Variants in PCDHA6 observed in about 807,000 individuals in gnomAD.
The protein encoded by PCDHA6 is protocadherin alpha 6, also known as protocadherin alpha-6.
In PCDHA6, 55 loss-of-function variants were observed where a neutral mutation model predicts 60.3. That is an observed-to-expected ratio of 0.91 (90% CI 0.73 to 1.14). The LOEUF (loss-of-function observed/expected upper bound fraction) is 1.14. Among genes scored for constraint, PCDHA6 ranks in the 50% most tolerant of loss-of-function variants. The pLI is 0.00. For missense variants in PCDHA6, 1,327 were observed against 1,256.5 expected (o/e 1.06, Z -0.85); for synonymous variants, 652 against 557.9 (o/e 1.17, Z -2.38).
chr5:140,899,140 G>A (rs2067159296), intron 1 of PCDHA6, among the ~76,000 whole-genome samples: 1 of 152,090 alleles, frequency 6.6e-6, no homozygotes, highest in Non-Finnish European at 1.5e-5. Flanking sequence ...CTGCAAACAG[G>A]GACAATTTGA....
At chr5:140,841,888 T>A (rs2150324867) in intron 1 of PCDHA6, 2 of 1,613,782 alleles carry the variant, frequency 1.2e-6, no homozygotes, top group Non-Finnish European at 1.7e-6. Flanking sequence ...ACGATGAGAA[T>A]AAACTGGTTG....
Position 140,849,731 on chromosome 5 carries a change from T to C in PCDHA6, c.2394+19246T>C, listed in dbSNP as rs2150447251. 21,072 of 1,598,236 alleles carry C rather than the reference T, an allele frequency of 0.013. 2,656 individuals are homozygous for C. In the African/African-American group the frequency reaches 0.2, roughly 15 times the overall value. ...ACTACTCGTTGGTGCTGGACAGAGC[T>C]CTGGACCGCGAGAGTGTGTCCGCCT... is the stretch of plus-strand genomic sequence containing the variant. On this transcript the variant is annotated intron_variant, in intron 1 of 3. Transcript: ENST00000529310.
intron 1 of PCDHA6, among the ~76,000 whole-genome samples, chr5:140,880,555 T>C (rs1250449659): frequency 1.3e-5 from 2 of 152,134 alleles, no homozygotes; most frequent in Admixed American, 6.6e-5. Context: ...CTGATGGAAA[T>C]GAGGTTGAGA....
chr5:140,899,197 A>G (rs1300452676), intron 1 of PCDHA6, among the ~76,000 whole-genome samples: 2 of 152,018 alleles, frequency 1.3e-5, no homozygotes, highest in Admixed American at 6.6e-5. Context: ...TCTCCTGCCT[A>G]ATTGCCCTGG....
chr5:140,957,581 C>T (rs1396438252), intron 1 of PCDHA6, among the ~76,000 whole-genome samples: 3 of 152,066 alleles, frequency 2.0e-5, no homozygotes, highest in South Asian at 2.1e-4. Flanking sequence ...GTACTTTTAA[C>T]AAAGCACTTC....
At chr5:140,942,851 G>T (rs1211748532) in intron 1 of PCDHA6, among the ~76,000 whole-genome samples, 2 of 151,980 alleles carry the variant, frequency 1.3e-5, no homozygotes, top group Non-Finnish European at 2.9e-5. Flanking sequence ...CCAGTAAGAT[G>T]ATTATTTTGC....
At position 140,851,173 on chromosome 5, in the gene PCDHA6, A is replaced by C. The variant is rs1392883501; in HGVS notation, c.2394+20688A>C. Reference sequence around the variant, plus strand: ...ATTTCTGATGCTATGCTGCCATAACACTTGAAAACCAATTTAGTTGTTAGT... The same window carrying C: ...ATTTCTGATGCTATGCTGCCATAACCCTTGAAAACCAATTTAGTTGTTAGT... On this transcript the variant is annotated intron_variant, in intron 1 of 3. Coordinates refer to ENST00000529310, the MANE Select transcript of PCDHA6 (RefSeq NM_018909.4). The C allele has an allele frequency of 5.1e-5, 64 of 1,267,254 alleles. 8 individuals carry two copies. The highest frequency in any genetic ancestry group is 6.0e-5 in the Non-Finnish European group (59 of 985,446). 78.5% of individuals were successfully genotyped at this position (1,267,254 alleles called of 1,614,324 possible).
At chr5:140,870,909 C>T (rs2052531275) in intron 1 of PCDHA6, 1 of 1,613,956 alleles carries the variant, frequency 6.2e-7, no homozygotes, top group East Asian at 2.2e-5. Flanking sequence ...ACTCAGGCTA[C>T]AACGCGTGGC....
At chr5:140,869,843 A>C in intron 1 of PCDHA6, 1 of 1,611,638 alleles carries the variant, frequency 6.2e-7, no homozygotes, top group East Asian at 2.2e-5. Context: ...AAATCAGAAT[A>C]TAAGGTGAGC....
At chr5:140,972,783 C>T (rs1437997582) in intron 1 of PCDHA6, among the ~76,000 whole-genome samples, 2 of 151,768 alleles carry the variant, frequency 1.3e-5, no homozygotes, top group African/African-American at 4.8e-5. Context: ...TCTGCCTCAG[C>T]CTCCTGAGTA....
Position 140,848,771 on chromosome 5 carries a change from C to G in PCDHA6, c.2394+18286C>G, listed in dbSNP as rs1184191151. 4.4e-6 allele frequency: 7 copies of G among 1,593,350 alleles called. No homozygotes were observed. In the South Asian group the frequency reaches 6.6e-5, roughly 15 times the overall value. On this transcript the variant is annotated intron_variant, in intron 1 of 3. Coordinates refer to ENST00000529310, the MANE Select transcript of PCDHA6 (RefSeq NM_018909.4). ...TGTTTGTGAATTCTCGGATCGACCG[C>G]GAGGAGCTGTGCGGGCGGAGCGCGG...
At chr5:140,939,119 C>A (rs1427966155) in intron 1 of PCDHA6, among the ~76,000 whole-genome samples, 9 of 152,170 alleles carry the variant, frequency 5.9e-5, no homozygotes, top group African/African-American at 1.7e-4. Flanking sequence ...TTTCACAATT[C>A]TGGAAGCTGG....
chr5:140,926,665 G>C, intron 1 of PCDHA6: 1 of 538,906 alleles, frequency 1.9e-6, no homozygotes, highest in Non-Finnish European at 2.9e-6. Context: ...TTTCCCAGAC[G>C]GCTGCCCAGC....
chr5:141,002,146 CT>C (rs2098061512), intron 3 of PCDHA6, among the ~76,000 whole-genome samples: 1 of 152,250 alleles, frequency 6.6e-6, no homozygotes, highest in Admixed American at 6.5e-5. Flanking sequence ...GCTGCACTGA[CT>C]TAGCAGAGTG....
chr5:140,917,999 A>T (rs1292582356), intron 1 of PCDHA6, among the ~76,000 whole-genome samples: 2 of 152,162 alleles, frequency 1.3e-5, no homozygotes, highest in African/African-American at 4.8e-5. Context: ...GGTTATCTTA[A>T]CAATGTTGTT....
At chr5:140,856,935 A>T in intron 1 of PCDHA6, 1 of 1,594,236 alleles carries the variant, frequency 6.3e-7, no homozygotes, top group Non-Finnish European at 8.6e-7. Context: ...TGGATAAACG[A>T]AAGGACGGGA....
At position 141,011,769 on chromosome 5, in the gene PCDHA6, A is replaced by C. The variant is rs2098421803; in HGVS notation, c.*1832A>C. 1 of 153,794 alleles carries C rather than the reference A, an allele frequency of 6.5e-6. No homozygotes were observed. The highest frequency in any genetic ancestry group is 1.5e-5 in the Non-Finnish European group (1 of 68,040). 9.5% of individuals were successfully genotyped at this position (153,794 alleles called of 1,614,324 possible). On this transcript the variant is annotated 3_prime_UTR_variant, in exon 4 of 4. Coordinates refer to ENST00000529310, the MANE Select transcript of PCDHA6 (RefSeq NM_018909.4). ...AATCTGACCTCTTTGAAGTTGCAGA[A>C]TGCTTTGAAATTCTAATGGTATCTG... is the stretch of plus-strand genomic sequence containing the variant.
At chr5:140,972,276 A>G (rs1471308188) in intron 1 of PCDHA6, among the ~76,000 whole-genome samples, 1 of 150,442 alleles carries the variant, frequency 6.6e-6, no homozygotes, top group Non-Finnish European at 1.5e-5. Flanking sequence ...AGTAGCTTGG[A>G]CCATAGATGT....
chr5:140,843,556 G>A, intron 1 of PCDHA6: 1 of 1,595,980 alleles, frequency 6.3e-7, no homozygotes, highest in Non-Finnish European at 8.6e-7. Context: ...CCAGTGCGGT[G>A]GGGAGCTGGT....
Sources: allele counts gnomAD v4.1 joint callset (sites outside exome capture counted in the v4.1 genomes callset), GRCh38; gene constraint gnomAD v4.1.1; transcripts MANE v1.5; gene names NCBI Gene and HGNC (gene_info 2026-07-23, HGNC 2026-07-21).